The following ZNF493 variants were observed in gnomAD, a reference collection of about 807,000 sequenced individuals.
ZNF493 encodes the protein zinc finger protein 493.
A neutral mutation model predicts 12.2 loss-of-function variants in ZNF493; 11 were observed. That is an observed-to-expected ratio of 0.90 (90% CI 0.57 to 1.50). ZNF493 has a LOEUF of 1.50. ZNF493 is among the 40% of genes most tolerant of loss of function. The probability of loss-of-function intolerance (pLI) is 0.00; values close to 1 mark genes in which losing one functional copy is unlikely to be tolerated. For synonymous variants in ZNF493, 286 were observed against 302.6 expected, an observed-to-expected ratio of 0.95 and a Z score of 0.57; for missense variants, 950 against 906.6, an observed-to-expected ratio of 1.05 and a Z score of -0.61.
chr19:21,408,024 G>C, intron 3 of ZNF493: 2 of 985,038 alleles, frequency 2.0e-6, no homozygotes, highest in Non-Finnish European at 2.4e-6. Flanking sequence ...GTGGAGTGGG[G>C]TTGTAACTTG....
At chr19:21,404,899 T>C (rs192709734) in intron 1 of ZNF493, among the ~76,000 whole-genome samples, 1 of 148,688 alleles carries the variant, frequency 6.7e-6, no homozygotes, top group African/African-American at 2.5e-5. Flanking sequence ...TTACTATTAA[T>C]AAAAGTATAT....
At chr19:21,398,488 C>T in intron 1 of ZNF493, 1 of 269,664 alleles carries the variant, frequency 3.7e-6, no homozygotes, top group South Asian at 3.5e-5. Context: ...TCCTCAGCCA[C>T]CCTTTGGTTT....
At position 21,422,988 on chromosome 19, in the gene ZNF493, GA is replaced by G; in HGVS notation, c.330del (p.Glu111AsnfsTer3). ...GATTCTTTTCAAAAAGTGATACTGA[GA>G]GAATATGTAAAATGTGGACATAAGG... Reference protein sequence around the residue: ...IKDSFQKVILREYVKCGHKDL... With the variant: ...IKDSFQKVILXEYVKCGHKDL... On this transcript the variant is annotated frameshift_variant, in exon 4 of 4. Transcript: ENST00000392288. LOFTEE classifies it low-confidence loss of function (END_TRUNC). 6.2e-7 allele frequency: 1 copy of G among 1,608,806 alleles called. No individual in the cohort carries two copies. The highest frequency in any genetic ancestry group is 1.1e-5 in the South Asian group (1 of 89,254).
intron 1 of ZNF493, among the ~76,000 whole-genome samples, chr19:21,402,552 C>T (rs2029984027): frequency 1.3e-5 from 2 of 152,286 alleles, no homozygotes; most frequent in East Asian, 3.9e-4. Flanking sequence ...AGGCTAACCC[C>T]ACTTAGAATC....
chr19:21,411,484 C>T lies in ZNF493; in HGVS notation c.253+5628C>T, dbSNP rs187793632. On this transcript the variant is annotated intron_variant, in intron 3 of 3. Coordinates refer to ENST00000392288, the MANE Select transcript of ZNF493 (RefSeq NM_001076678.3). The stretch of plus-strand genomic sequence containing the variant: ...CCTGTAATCCCAACAGTTTGGGAGG[C>T]TGAGGCGAGCAGATTGCCTGAGCTC... Among the ~76,000 whole-genome samples the T allele has an allele frequency of 4.4e-3, 666 of 152,168 alleles. 2 individuals carry two copies. The highest frequency in any genetic ancestry group is 6.9e-3 in the Non-Finnish European group (466 of 68,006).
chr19:21,415,140 C>T (rs1254651318), intron 3 of ZNF493, among the ~76,000 whole-genome samples: 11 of 152,106 alleles, frequency 7.2e-5, no homozygotes. Context: ...CTACTAAGTC[C>T]TGTTCTTGGA....
At position 21,405,812 on chromosome 19, in the gene ZNF493, A is replaced by T; in HGVS notation, c.209A>T (p.Asp70Val). The T allele has an allele frequency of 1.3e-6, 2 of 1,589,036 alleles. No individual in the cohort carries two copies. Among genetic ancestry groups the T allele is most frequent in the African/African-American group, 2.7e-5 (2 of 73,858 alleles). ...GTCACCTGTCTGGAGCAAGGAAAAGATCCCTGGAATATGAAGGGACACAGT... is the reference window on the plus strand; with the variant it reads ...GTCACCTGTCTGGAGCAAGGAAAAGTTCCCTGGAATATGAAGGGACACAGT... ...DLVTCLEQGKDPWNMKGHSTV... is the reference protein window; with the variant it reads ...DLVTCLEQGKVPWNMKGHSTV... Residue 70 changes from aspartate to valine, a missense_variant, in exon 3 of 4, where the codon GAT (aspartate) becomes GTT (valine). By Grantham distance (152) the Asp-to-Val change is radical (BLOSUM62 -3). Coordinates refer to ENST00000392288, the MANE Select transcript of ZNF493 (RefSeq NM_001076678.3).
At position 21,425,586 on chromosome 19, in the gene ZNF493, T is replaced by C. The variant is rs1377950870; in HGVS notation, c.*602T>C. ...CCAATTTACTGCACATAAGATAATT[T>C]ATACTGGAGAGAAGCCCTACAAATG... On this transcript the variant is annotated 3_prime_UTR_variant, in exon 4 of 4. Transcript: ENST00000392288. 1 of 633,974 alleles carries C rather than the reference T, an allele frequency of 1.6e-6. No individual in the cohort carries two copies. The highest frequency in any genetic ancestry group is 4.1e-5 in the East Asian group (1 of 24,604). The allele number at this position is 633,974 out of a possible 1,614,324, so 39.3% of individuals were successfully genotyped here.
intron 3 of ZNF493, 130 bp downstream of exon 3, chr19:21,405,986 C>T: frequency 1.7e-6 from 1 of 583,986 alleles, no homozygotes; most frequent in South Asian, 3.4e-5. Flanking sequence ...TTTGGGAGGC[C>T]AAGGCAGGTG....
chr19:21,421,826 TA>T (rs2030687493), intron 3 of ZNF493, among the ~76,000 whole-genome samples: 1 of 152,198 alleles, frequency 6.6e-6, no homozygotes, highest in South Asian at 2.1e-4. Flanking sequence ...ATTTTGTGTT[TA>T]TTTTTTAGTT....
In ZNF493 at chr19:21,414,914, C is replaced by T. The variant is rs1197425647; in HGVS notation, c.254-7999C>T. On this transcript the variant is annotated intron_variant, in intron 3 of 3. Transcript: ENST00000392288. ...AGTTTTGTTTTAGGAAAATGATTATCGAGAATGCCCACAAAGTCATCTAAA... is the reference window on the plus strand; with the variant it reads ...AGTTTTGTTTTAGGAAAATGATTATTGAGAATGCCCACAAAGTCATCTAAA... Among the ~76,000 whole-genome samples, 7 of 152,094 alleles carry T rather than the reference C, an allele frequency of 4.6e-5. No homozygotes were observed. In the South Asian group the frequency reaches 6.2e-4, roughly 14 times the overall value.
intron 3 of ZNF493, chr19:21,408,271 G>GC: frequency 1.7e-6 from 1 of 602,986 alleles, no homozygotes; most frequent in African/African-American, 2.0e-5. Flanking sequence ...GATTACAGGT[G>GC]CCCACCAGCA....
At chr19:21,414,112 C>G (rs2030410380) in intron 3 of ZNF493, 1 of 152,186 alleles carries the variant, frequency 6.6e-6, no homozygotes, top group South Asian at 2.1e-4. Context: ...CCACAAAACA[C>G]TGCAAAAGGT....
chr19:21,414,148 ACT>A (rs1460647719), intron 3 of ZNF493: 1 of 152,088 alleles, frequency 6.6e-6, no homozygotes, highest in African/African-American at 2.4e-5. Flanking sequence ...CAGGCAGAAG[ACT>A]CTCCTGATTG....
chr19:21,413,624 G>A (rs1032631837), intron 3 of ZNF493: 3 of 417,294 alleles, frequency 7.2e-6, no homozygotes, highest in Non-Finnish European at 1.2e-5. Context: ...CTCTTCCTCA[G>A]CATCTGGCTC....
intron 3 of ZNF493, 145 bp from the exon 4 acceptor site, chr19:21,422,768 T>C: frequency 1.5e-6 from 1 of 688,732 alleles, no homozygotes; most frequent in Non-Finnish European, 2.2e-6. Flanking sequence ...TAGTATGTTT[T>C]CATTACATAT....
Position 21,425,370 on chromosome 19 carries a change from C to A in ZNF493, c.*386C>A. The A allele has an allele frequency of 7.3e-6, 3 of 409,646 alleles. No individual in the cohort carries two copies. Among genetic ancestry groups the A allele is most frequent in the Non-Finnish European group, 1.4e-5 (3 of 208,210 alleles). The allele number at this position is 409,646 out of a possible 1,614,324, so 25.4% of individuals were successfully genotyped here. A position where few individuals can be genotyped will look rare whatever the true frequency, so the allele number is the denominator to read the frequency against. On this transcript the variant is annotated 3_prime_UTR_variant, in exon 4 of 4. Coordinates refer to ENST00000392288, the MANE Select transcript of ZNF493 (RefSeq NM_001076678.3). ...GAAACCCTACAAATATGAGGAATGT[C>A]TCAAAGCTTTTTACTGATTCTTATA...
Position 21,425,649 on chromosome 19 carries a change from C to G in ZNF493, c.*665C>G. 1 of 818,226 alleles carries G rather than the reference C, an allele frequency of 1.2e-6. No individual in the cohort carries two copies. Among genetic ancestry groups the G allele is most frequent in the South Asian group, 1.3e-5 (1 of 75,912 alleles). 50.7% of individuals were successfully genotyped at this position (818,226 alleles called of 1,614,324 possible). Reference sequence around the variant, plus strand: ...CAAACCTTTTAACCAATCCTCAACCCTTACTACACATTAGATAATTCATGC... The same window carrying G: ...CAAACCTTTTAACCAATCCTCAACCGTTACTACACATTAGATAATTCATGC... On this transcript the variant is annotated 3_prime_UTR_variant, in exon 4 of 4. Transcript: ENST00000392288.
intron 1 of ZNF493, chr19:21,398,574 C>G: frequency 2.4e-6 from 1 of 416,048 alleles, no homozygotes; most frequent in Non-Finnish European, 4.9e-6. Context: ...CTAGAGTGTC[C>G]ATTGGATCTC....
Sources: allele counts gnomAD v4.1 joint callset (sites outside exome capture counted in the v4.1 genomes callset), GRCh38; gene constraint gnomAD v4.1.1; transcripts MANE v1.5; gene names NCBI Gene and HGNC (gene_info 2026-07-23, HGNC 2026-07-21).